CCSER1: variants seen among roughly 807,000 people sequenced by gnomAD.
The protein encoded by CCSER1 is serine-rich coiled-coil domain-containing protein 1.
CCSER1 carries 41 observed loss-of-function variants against 82.0 expected under a neutral mutation model. The ratio of observed to expected loss-of-function variants is 0.50; its 90% confidence interval spans 0.39 to 0.65. The LOEUF is 0.65. Among genes scored for constraint, CCSER1 ranks in the 30% least tolerant of loss-of-function variants. The pLI, the probability that CCSER1 is intolerant of heterozygous loss-of-function variation, is 0.00. For synonymous variants in CCSER1, 414 were observed against 383.9 expected (o/e 1.08, Z -0.92); for missense variants, 1,119 against 1,064.2 (o/e 1.05, Z -0.72).
At chr4:90,791,973 A>C (rs12498622) in intron 7 of CCSER1, among the ~76,000 whole-genome samples, 1 of 152,124 alleles carries the variant, frequency 6.6e-6, no homozygotes, top group African/African-American at 2.4e-5. Context: ...TATTTACTTT[A>C]TTGCAGTTGC....
intron 10 of CCSER1, among the ~76,000 whole-genome samples, chr4:91,535,146 A>C (rs1761233829): frequency 6.6e-6 from 1 of 152,000 alleles, no homozygotes; most frequent in South Asian, 2.1e-4. Flanking sequence ...CCAAATATTA[A>C]TAACTAATTT....
At chr4:91,123,319 A>C (rs1195346054) in intron 10 of CCSER1, among the ~76,000 whole-genome samples, 1 of 151,796 alleles carries the variant, frequency 6.6e-6, no homozygotes, top group Admixed American at 6.6e-5. Flanking sequence ...TATGATAAGA[A>C]ATACAAAAGA....
intron 10 of CCSER1, among the ~76,000 whole-genome samples, chr4:91,315,532 T>C (rs144422336): frequency 5.5e-4 from 84 of 152,090 alleles, no homozygotes; most frequent in Middle Eastern, 6.8e-3. Flanking sequence ...TACTGAGTAT[T>C]TTCTATAGGC....
chr4:91,496,609 TA>T lies in CCSER1; in HGVS notation c.2218-101962del, dbSNP rs1357504930. Among the ~76,000 whole-genome samples, 8 of 27,342 alleles carry T rather than the reference TA, an allele frequency of 2.9e-4. 1 individual carries two copies. Among genetic ancestry groups the T allele is most frequent in the Non-Finnish European group, 6.2e-4 (7 of 11,316 alleles). The allele number at this position is 27,342 out of a possible 152,430, so 17.9% of individuals were successfully genotyped here. On this transcript the variant is annotated intron_variant, in intron 10 of 10. Coordinates refer to ENST00000509176, the MANE Select transcript of CCSER1 (RefSeq NM_001145065.2). ...ATACACGAATATATATTTGAATATA[TA>T]TATACACGAATATATATTTGAATAT...
At chr4:90,353,946 G>A (rs1175302871) in intron 3 of CCSER1, among the ~76,000 whole-genome samples, 1 of 152,104 alleles carries the variant, frequency 6.6e-6, no homozygotes, top group Non-Finnish European at 1.5e-5. Flanking sequence ...ATATCTGAAG[G>A]AAACAAAATT....
chr4:90,930,438 A>G (rs1227705670), intron 9 of CCSER1, among the ~76,000 whole-genome samples: 4 of 151,704 alleles, frequency 2.6e-5, no homozygotes, highest in Non-Finnish European at 4.4e-5. Context: ...CATCTCTACT[A>G]AAAATTTAAA....
chr4:91,281,719 A>G (rs1742925277), intron 10 of CCSER1, among the ~76,000 whole-genome samples: 1 of 152,186 alleles, frequency 6.6e-6, no homozygotes, highest in African/African-American at 2.4e-5. Flanking sequence ...AACAACTTGA[A>G]GTTTTTGATA....
chr4:90,361,718 T>G (rs2153518834), intron 3 of CCSER1, among the ~76,000 whole-genome samples: 1 of 152,288 alleles, frequency 6.6e-6, no homozygotes, highest in East Asian at 1.9e-4. Context: ...GTACCCAATG[T>G]TTTGCTGCCA....
At chr4:91,545,618 C>T (rs1180534738) in intron 10 of CCSER1, among the ~76,000 whole-genome samples, 3 of 152,050 alleles carry the variant, frequency 2.0e-5, no homozygotes, top group Admixed American at 6.6e-5. Context: ...AAACAATTGA[C>T]TTGTATAATA....
intron 9 of CCSER1, among the ~76,000 whole-genome samples, chr4:90,965,013 A>T (rs188535118): frequency 6.6e-6 from 1 of 152,000 alleles, no homozygotes; most frequent in East Asian, 1.9e-4. Context: ...ATGTGGAGCT[A>T]CCCCCAAAAG....
chr4:90,795,117 C>T (rs1266823794), intron 7 of CCSER1, among the ~76,000 whole-genome samples: 8 of 151,966 alleles, frequency 5.3e-5, no homozygotes, highest in South Asian at 4.2e-4. Context: ...GGTGAAACCC[C>T]ATCTCTACTA....
chr4:90,319,452 C>A (rs936788625), intron 3 of CCSER1, among the ~76,000 whole-genome samples: 76 of 152,096 alleles, frequency 5.0e-4, no homozygotes, highest in Non-Finnish European at 9.4e-4. Context: ...GAGATCAAGA[C>A]TATCCTGGCT....
intron 10 of CCSER1, among the ~76,000 whole-genome samples, chr4:91,504,619 G>A (rs1434628566): frequency 6.6e-6 from 1 of 151,118 alleles, no homozygotes; most frequent in Non-Finnish European, 1.5e-5. Context: ...CTTTATCATT[G>A]ACATCATTAA....
intron 1 of CCSER1, among the ~76,000 whole-genome samples, chr4:90,221,050 A>G (rs1742050893): frequency 6.6e-6 from 1 of 152,192 alleles, no homozygotes; most frequent in Admixed American, 6.5e-5. Flanking sequence ...ACAAAACAAT[A>G]TTATCTTTAT....
At chr4:91,530,875 CG>C (rs1196250866) in intron 10 of CCSER1, among the ~76,000 whole-genome samples, 2 of 151,852 alleles carry the variant, frequency 1.3e-5, no homozygotes. Flanking sequence ...TTAGCAGAGA[CG>C]GGGTTTCTCC....
chr4:90,826,644 C>T (rs867425785), intron 8 of CCSER1, among the ~76,000 whole-genome samples: 1 of 152,080 alleles, frequency 6.6e-6, no homozygotes, highest in Non-Finnish European at 1.5e-5. Context: ...TTATGTGATT[C>T]GTTTAATTCT....
intron 10 of CCSER1, among the ~76,000 whole-genome samples, chr4:91,333,516 A>G (rs761859869): frequency 1.3e-5 from 2 of 152,154 alleles, no homozygotes; most frequent in Non-Finnish European, 2.9e-5. Flanking sequence ...CTAAAACATA[A>G]TGACAGATTT....
intron 1 of CCSER1, among the ~76,000 whole-genome samples, chr4:90,197,230 A>T (rs570602676): frequency 6.6e-6 from 1 of 152,156 alleles, no homozygotes; most frequent in East Asian, 1.9e-4. Context: ...AGGTTAAGGT[A>T]TGGTAGAAGG....
At chr4:90,466,002 A>T (rs1328953432) in intron 4 of CCSER1, among the ~76,000 whole-genome samples, 1 of 152,216 alleles carries the variant, frequency 6.6e-6, no homozygotes, top group East Asian at 1.9e-4. Context: ...TAACAATGCC[A>T]TACTGCACTA....
Sources: gnomAD v4.1 joint callset for allele counts (sites outside exome capture counted in the v4.1 genomes callset) on GRCh38, gnomAD v4.1.1 for gene constraint, MANE v1.5 for transcripts, NCBI Gene and HGNC (gene_info 2026-07-23, HGNC 2026-07-21) for gene names.